BICD1: variants seen among roughly 807,000 people sequenced by gnomAD.
The protein encoded by BICD1 is protein bicaudal D homolog 1.
In BICD1, 35 loss-of-function variants were observed where a neutral mutation model predicts 92.5. The observed-to-expected ratio is 0.38, with a 90% CI of 0.29 to 0.50. The LOEUF (loss-of-function observed/expected upper bound fraction) is 0.50, where lower values mean the gene tolerates loss of function less well. BICD1 is among the 20% of genes least tolerant of loss of function. The pLI, the probability that BICD1 is intolerant of heterozygous loss-of-function variation, is 0.93. For synonymous variants in BICD1, 429 were observed against 465.1 expected, an observed-to-expected ratio of 0.92 and a Z score of 1.00; for missense variants, 950 against 1,189.8, an observed-to-expected ratio of 0.80 and a Z score of 2.97.
At chr12:32,268,531 C>T (rs886663771) in intron 2 of BICD1, among the ~76,000 whole-genome samples, 2 of 152,212 alleles carry the variant, frequency 1.3e-5, no homozygotes, top group African/African-American at 2.4e-5. Context: ...CACGGTCGCT[C>T]ATGCCTGTAA....
intron 2 of BICD1, among the ~76,000 whole-genome samples, chr12:32,259,150 C>T (rs1946793645): frequency 6.6e-6 from 1 of 152,084 alleles, no homozygotes; most frequent in South Asian, 2.1e-4. Context: ...CCTTCAGCAC[C>T]TGACCCTATA....
chr12:32,202,477 C>T (rs527674418), intron 1 of BICD1, among the ~76,000 whole-genome samples: 119 of 152,132 alleles, frequency 7.8e-4, no homozygotes, highest in Non-Finnish European at 1.5e-3. Context: ...CTTATATATT[C>T]CTGACTAAGC....
At chr12:32,303,039 ATCC>A (rs149268060) in intron 3 of BICD1, among the ~76,000 whole-genome samples, 26,978 of 150,224 alleles carry the variant, frequency 0.18, 2,534 homozygotes, top group Non-Finnish European at 0.2. Context: ...GGCCCGAGTG[ATCC>A]TCCCACCTCA....
chr12:32,283,867 AG>A (rs1157616744), intron 2 of BICD1, among the ~76,000 whole-genome samples: 1 of 152,246 alleles, frequency 6.6e-6, no homozygotes, highest in Non-Finnish European at 1.5e-5. Flanking sequence ...TTTCTACAAA[AG>A]AGAAACTCAG....
intron 8 of BICD1, among the ~76,000 whole-genome samples, chr12:32,356,520 G>A (rs1292436168): frequency 6.6e-6 from 1 of 151,998 alleles, no homozygotes; most frequent in African/African-American, 2.4e-5. Flanking sequence ...GGGCGTAGTG[G>A]CACTGGGGAG....
At chr12:32,271,085 G>A (rs1947127357) in intron 2 of BICD1, among the ~76,000 whole-genome samples, 2 of 152,166 alleles carry the variant, frequency 1.3e-5, no homozygotes, top group African/African-American at 4.8e-5. Flanking sequence ...CTTTCCCAGG[G>A]CTGGGGGAAG....
At chr12:32,270,768 C>A (rs1362662697) in intron 2 of BICD1, among the ~76,000 whole-genome samples, 1 of 152,200 alleles carries the variant, frequency 6.6e-6, no homozygotes, top group Non-Finnish European at 1.5e-5. Context: ...CTCAATTAGT[C>A]ATTTTCAGGT....
intron 1 of BICD1, among the ~76,000 whole-genome samples, chr12:32,126,965 A>C (rs1942368034): frequency 6.6e-6 from 1 of 152,058 alleles, no homozygotes; most frequent in Non-Finnish European, 1.5e-5. Context: ...AATGCATTTC[A>C]TGTCTTTGCT....
At position 32,179,025 on chromosome 12, in the gene BICD1, C is replaced by T. The variant is rs375294033; in HGVS notation, c.214-37222C>T. ...CATTGCACTTTTAACAGAGCGGCCA[C>T]CTTTTTCCACATACGATAGGACAGG... On this transcript the variant is annotated intron_variant, in intron 1 of 9. Transcript: ENST00000652176. Among the ~76,000 whole-genome samples, 6 of 152,052 alleles carry T rather than the reference C, an allele frequency of 3.9e-5. No individual in the cohort carries two copies. In the South Asian group the frequency reaches 8.3e-4, roughly 21 times the overall value.
At chr12:32,227,293 G>A (rs1241578399) in intron 2 of BICD1, 4 of 152,378 alleles carry the variant, frequency 2.6e-5, no homozygotes, top group Non-Finnish European at 5.9e-5. Context: ...AGATTTGGAG[G>A]AGGAACAAGG....
chr12:32,325,786 T>A (rs1036593561), intron 4 of BICD1, among the ~76,000 whole-genome samples: 6 of 151,946 alleles, frequency 3.9e-5, no homozygotes, highest in Non-Finnish European at 5.9e-5. Context: ...TTTGAAAGTT[T>A]GAATTGGGCC....
At chr12:32,334,163 AT>A (rs869056593) in intron 5 of BICD1, among the ~76,000 whole-genome samples, 15 of 151,922 alleles carry the variant, frequency 9.9e-5, no homozygotes, top group Non-Finnish European at 1.2e-4. Flanking sequence ...TGGTAAAAAA[AT>A]TTTTTTTGTA....
intron 8 of BICD1, among the ~76,000 whole-genome samples, chr12:32,355,732 G>T (rs1032215065): frequency 6.6e-6 from 1 of 151,964 alleles, no homozygotes; most frequent in Non-Finnish European, 1.5e-5. Context: ...AACCTGGGAG[G>T]TGAAGATTGC....
At chr12:32,295,634 T>A (rs1413455410) in intron 3 of BICD1, among the ~76,000 whole-genome samples, 1 of 150,692 alleles carries the variant, frequency 6.6e-6, no homozygotes, top group Non-Finnish European at 1.5e-5. Context: ...ATCCATGTAG[T>A]GGCACAATTA....
At chr12:32,214,017 G>C (rs779723229) in intron 1 of BICD1, among the ~76,000 whole-genome samples, 1 of 152,096 alleles carries the variant, frequency 6.6e-6, no homozygotes, top group Non-Finnish European at 1.5e-5. Flanking sequence ...CTGTAAGGAA[G>C]AGCTGTTCTT....
intron 1 of BICD1, among the ~76,000 whole-genome samples, chr12:32,118,328 G>A (rs1317219349): frequency 1.3e-5 from 2 of 151,776 alleles, no homozygotes; most frequent in East Asian, 1.9e-4. Context: ...TGATCCGCCC[G>A]CCTCGGCCTC....
intron 1 of BICD1, among the ~76,000 whole-genome samples, chr12:32,174,241 G>A (rs12315798): frequency 0.015 from 2,354 of 151,884 alleles, 68 homozygotes; most frequent in African/African-American, 0.053. Flanking sequence ...CCTTTTTAGC[G>A]TCTTTATTTT....
chr12:32,285,556 A>T (rs956296788), intron 2 of BICD1, among the ~76,000 whole-genome samples: 1 of 152,172 alleles, frequency 6.6e-6, no homozygotes, highest in African/African-American at 2.4e-5. Flanking sequence ...AGTGAAGGGA[A>T]TTTATGATTC....
At chr12:32,133,584 C>T (rs1352976018) in intron 1 of BICD1, among the ~76,000 whole-genome samples, 2 of 152,014 alleles carry the variant, frequency 1.3e-5, no homozygotes, top group East Asian at 3.8e-4. Flanking sequence ...AGTTATAATG[C>T]TCTATGATGT....
Sources: gnomAD v4.1 joint callset for allele counts (sites outside exome capture counted in the v4.1 genomes callset) on GRCh38, gnomAD v4.1.1 for gene constraint, MANE v1.5 for transcripts, NCBI Gene and HGNC (gene_info 2026-07-23, HGNC 2026-07-21) for gene names.